The following PDE4D variants were observed in gnomAD, a reference collection of about 807,000 sequenced individuals.
PDE4D encodes the protein phosphodiesterase 4D.
Under a neutral mutation model 87.4 loss-of-function variants are expected in PDE4D, and 24 were observed. The observed-to-expected ratio is 0.27, with a 90% confidence interval of 0.20 to 0.39. The LOEUF is 0.39. PDE4D is among the 10% of genes least tolerant of loss of function. The probability of loss-of-function intolerance (pLI) is 1.00; values close to 1 mark genes in which losing one functional copy is unlikely to be tolerated. For synonymous variants in PDE4D, 384 were observed against 383.2 expected (o/e 1.00, Z -0.02); for missense variants, 714 against 1,041.0 (o/e 0.69, Z 4.32).
At chr5:59,142,400 GT>G (rs1291445758) in intron 5 of PDE4D, among the ~76,000 whole-genome samples, 1 of 151,860 alleles carries the variant, frequency 6.6e-6, no homozygotes, top group Non-Finnish European at 1.5e-5. Context: ...GATCACTTAG[GT>G]TTACAATAAT....
intron 2 of PDE4D, among the ~76,000 whole-genome samples, chr5:60,130,723 G>A (rs1310580059): frequency 6.6e-6 from 1 of 152,168 alleles, no homozygotes; most frequent in African/African-American, 2.4e-5. Flanking sequence ...AAGAGTATTA[G>A]TAAAAGATGA....
intron 1 of PDE4D, among the ~76,000 whole-genome samples, chr5:60,349,329 G>A (rs1165679231): frequency 6.6e-6 from 1 of 152,056 alleles, no homozygotes; most frequent in Non-Finnish European, 1.5e-5. Context: ...AAATGTTGAG[G>A]CTTTCCTAGT....
intron 3 of PDE4D, among the ~76,000 whole-genome samples, chr5:59,963,427 G>A (rs1291763149): frequency 6.6e-6 from 1 of 152,096 alleles, no homozygotes; most frequent in Non-Finnish European, 1.5e-5. Flanking sequence ...GCTCGCCCAT[G>A]CACAAAACAC....
At chr5:59,382,991 A>G (rs1786194509) in intron 1 of PDE4D, among the ~76,000 whole-genome samples, 1 of 152,246 alleles carries the variant, frequency 6.6e-6, no homozygotes, top group Non-Finnish European at 1.5e-5. Context: ...TGAAACATAA[A>G]TGCTTAGTGC....
At chr5:60,175,830 C>A (rs1199691828) in intron 2 of PDE4D, among the ~76,000 whole-genome samples, 1 of 152,110 alleles carries the variant, frequency 6.6e-6, no homozygotes, top group Admixed American at 6.6e-5. Context: ...AGTGCTCCTG[C>A]AACTTTCTCC....
At chr5:60,299,168 G>C (rs1403334776) in intron 1 of PDE4D, among the ~76,000 whole-genome samples, 6 of 152,010 alleles carry the variant, frequency 3.9e-5, no homozygotes, top group Non-Finnish European at 8.8e-5. Context: ...ATAGCTTCTG[G>C]CTAAAATCAT....
At chr5:58,995,556 G>GATCT (rs1749036170) in intron 6 of PDE4D, among the ~76,000 whole-genome samples, 1 of 152,072 alleles carries the variant, frequency 6.6e-6, no homozygotes, top group Non-Finnish European at 1.5e-5. Flanking sequence ...AGCTAATATA[G>GATCT]AAGTGTCTTC....
chr5:60,072,453 G>T (rs1772828716), intron 2 of PDE4D, among the ~76,000 whole-genome samples: 5 of 152,082 alleles, frequency 3.3e-5, no homozygotes, highest in Admixed American at 3.3e-4. Context: ...CCATTCTGTA[G>T]GTTGTCTATT....
At position 59,740,644 on chromosome 5, in the gene PDE4D, A is replaced by G. The variant is rs556089987; in HGVS notation, c.455+152524T>C. On this transcript the variant is annotated intron_variant, in intron 1 of 14. Coordinates refer to ENST00000340635, the MANE Select transcript of PDE4D (RefSeq NM_001104631.2). Reference sequence around the variant, plus strand: ...GATAAACCCAATTGTGGAATTAAATATACAATCAGTAGCTAAGAACAAGGA... The same window carrying G: ...GATAAACCCAATTGTGGAATTAAATGTACAATCAGTAGCTAAGAACAAGGA... Among the ~76,000 whole-genome samples the G allele has an allele frequency of 3.3e-5, 5 of 152,328 alleles. No homozygotes were observed. In the South Asian group the frequency reaches 8.3e-4, roughly 25 times the overall value.
intron 1 of PDE4D, among the ~76,000 whole-genome samples, chr5:59,478,853 G>C (rs1303443612): frequency 1.3e-5 from 2 of 151,972 alleles, no homozygotes; most frequent in Admixed American, 6.6e-5. Context: ...AACTAGAAAA[G>C]TAGCACTTAA....
chr5:60,016,120 C>A (rs903191440), intron 2 of PDE4D, among the ~76,000 whole-genome samples: 1 of 151,838 alleles, frequency 6.6e-6, no homozygotes, highest in Non-Finnish European at 1.5e-5. Flanking sequence ...ATAGCAGGTA[C>A]AGTTTCAGAC....
At chr5:59,262,810 G>T (rs1762249229) in intron 1 of PDE4D, among the ~76,000 whole-genome samples, 3 of 151,944 alleles carry the variant, frequency 2.0e-5, no homozygotes, top group Non-Finnish European at 4.4e-5. Context: ...TGTCAGTCGG[G>T]TGATAACCAT....
intron 5 of PDE4D, chr5:59,180,287 G>A: frequency 3.8e-6 from 2 of 520,830 alleles, no homozygotes; most frequent in South Asian, 1.7e-5. Flanking sequence ...ACCAGAATGG[G>A]AAGTGACTTG....
chr5:60,121,213 C>A (rs1778644570), intron 2 of PDE4D, among the ~76,000 whole-genome samples: 1 of 151,076 alleles, frequency 6.6e-6, no homozygotes, highest in African/African-American at 2.4e-5. Flanking sequence ...ATATATATAT[C>A]TCCTATTAGT....
chr5:60,456,002 T>G lies in PDE4D; in HGVS notation c.-90+31940A>C, dbSNP rs557755758. ...CTTCTCTTCCCCACCTTCAGTTCTTTTCTGCAGTGAGGGGCCTTGCACACA... is the reference window on the plus strand; with the variant it reads ...CTTCTCTTCCCCACCTTCAGTTCTTGTCTGCAGTGAGGGGCCTTGCACACA... On this transcript the variant is annotated intron_variant, in intron 1 of 16. Transcript: ENST00000502484. Among the ~76,000 whole-genome samples, 8 of 152,264 alleles carry G rather than the reference T, an allele frequency of 5.3e-5. No homozygotes were observed. The South Asian group carries it at 1.7e-3, about 32-fold the overall frequency.
intron 2 of PDE4D, among the ~76,000 whole-genome samples, chr5:60,139,514 A>T (rs1434739848): frequency 6.6e-6 from 1 of 152,134 alleles, no homozygotes; most frequent in African/African-American, 2.4e-5. Context: ...GACTTCTACA[A>T]AATTTGAGTG....
intron 1 of PDE4D, among the ~76,000 whole-genome samples, chr5:60,352,322 G>A (rs1759273362): frequency 6.6e-6 from 1 of 152,132 alleles, no homozygotes; most frequent in South Asian, 2.1e-4. Flanking sequence ...TCTGGAGACT[G>A]ACTAGGATGC....
chr5:59,382,721 T>G (rs1379251388), intron 1 of PDE4D, among the ~76,000 whole-genome samples: 2 of 151,894 alleles, frequency 1.3e-5, no homozygotes, highest in Non-Finnish European at 2.9e-5. Flanking sequence ...TTTTTGGGGG[T>G]GCTAAATCCA....
chr5:59,072,604 C>CT (rs1765030445), intron 5 of PDE4D, among the ~76,000 whole-genome samples: 1 of 152,140 alleles, frequency 6.6e-6, no homozygotes, highest in African/African-American at 2.4e-5. Flanking sequence ...TCCCTTCCCA[C>CT]TTTCTTTGTC....
Sources: allele counts gnomAD v4.1 joint callset (sites outside exome capture counted in the v4.1 genomes callset), GRCh38; gene constraint gnomAD v4.1.1; transcripts MANE v1.5; gene names NCBI Gene and HGNC (gene_info 2026-07-23, HGNC 2026-07-21).